KLF17: variants seen among roughly 807,000 people sequenced by gnomAD.
KLF17 encodes KLF transcription factor 17.
Under a neutral mutation model 34.2 loss-of-function variants are expected in KLF17, and 31 were observed. The observed-to-expected ratio is 0.91, with a 90% CI of 0.68 to 1.22. KLF17 has a LOEUF of 1.22. KLF17 is among the 50% of genes most tolerant of loss of function. The pLI is 0.00. For synonymous variants in KLF17, 179 were observed against 186.7 expected, an observed-to-expected ratio of 0.96 and a Z score of 0.34; for missense variants, 478 against 505.2, an observed-to-expected ratio of 0.95 and a Z score of 0.52.
At chr1:44,111,811 T>C in the KLF17 span, among the ~76,000 whole-genome samples, 2 of 152,166 alleles carry the variant, frequency 1.3e-5, no homozygotes, top group Non-Finnish European at 2.9e-5. Flanking sequence ...GAGAATTGCT[T>C]GAACCCTGGA....
At chr1:44,060,335 G>A in the KLF17 span, among the ~76,000 whole-genome samples, 12 of 152,104 alleles carry the variant, frequency 7.9e-5, no homozygotes, top group African/African-American at 2.9e-4. Flanking sequence ...GGGCGTGGTG[G>A]CGAGTACCTG....
intron 1 of KLF17, among the ~76,000 whole-genome samples, chr1:44,125,424 G>A (rs960296682): frequency 1.3e-5 from 2 of 152,174 alleles, no homozygotes; most frequent in African/African-American, 4.8e-5. Context: ...TATAAGCGAT[G>A]AGTCACTTCT....
chr1:44,083,814 T>A, the KLF17 span, among the ~76,000 whole-genome samples: 166 of 92,640 alleles, frequency 1.8e-3, no homozygotes, highest in African/African-American at 2.0e-3. Flanking sequence ...AAAAAAAAAA[T>A]GGCACAAGAA....
upstream of KLF17, chr1:44,117,212 C>T (rs1329387043): frequency 6.6e-6 from 1 of 152,118 alleles, no homozygotes; most frequent in African/African-American, 2.4e-5. Context: ...CTGACCTGGG[C>T]CAGTTCATCC....
chr1:44,103,518 C>T, the KLF17 span: 1 of 1,186,598 alleles, frequency 8.4e-7, no homozygotes, highest in Non-Finnish European at 1.2e-6. Context: ...ACCTGCATAG[C>T]TGCTGGTGGT....
chr1:44,119,069 T>G (rs1465685038), intron 1 of KLF17, 81 bp downstream of exon 1: 6 of 1,010,202 alleles, frequency 5.9e-6, no homozygotes, highest in South Asian at 1.9e-5. Flanking sequence ...GGAGGAGAGG[T>G]GAGGCGGAGG....
At chr1:44,059,385 G>T in the KLF17 span, among the ~76,000 whole-genome samples, 2 of 152,174 alleles carry the variant, frequency 1.3e-5, no homozygotes, top group African/African-American at 4.8e-5. Context: ...AATCCTGTTT[G>T]ATTTCCTCAT....
chr1:44,099,450 CT>C, the KLF17 span, among the ~76,000 whole-genome samples: 1 of 152,080 alleles, frequency 6.6e-6, no homozygotes, highest in East Asian at 1.9e-4. Context: ...CATATACCTA[CT>C]CATTTGTGCA....
intron 3 of KLF17, among the ~76,000 whole-genome samples, 196 bp downstream of exon 3, chr1:44,130,952 G>C (rs199999143): frequency 2.3e-4 from 35 of 152,130 alleles, no homozygotes; most frequent in African/African-American, 8.2e-4. Flanking sequence ...CGTGCCACCA[G>C]GCCCGGGTAA....
the KLF17 span, among the ~76,000 whole-genome samples, chr1:44,099,230 C>G: frequency 1.3e-5 from 2 of 150,786 alleles, no homozygotes; most frequent in African/African-American, 4.9e-5. Context: ...ACCATCAAAC[C>G]CCGTCTCCAC....
the KLF17 span, among the ~76,000 whole-genome samples, chr1:44,066,007 A>C: frequency 6.6e-6 from 1 of 152,212 alleles, no homozygotes; most frequent in Non-Finnish European, 1.5e-5. Flanking sequence ...ATTTACATCC[A>C]TTCAATTGGC....
chr1:44,132,509 C>T (rs1371768982), intron 3 of KLF17, among the ~76,000 whole-genome samples: 2 of 152,156 alleles, frequency 1.3e-5, no homozygotes, highest in South Asian at 2.1e-4. Flanking sequence ...CAGTGCCCAC[C>T]CCAGCCTATT....
intron 2 of KLF17, 138 bp downstream of exon 2, chr1:44,130,334 T>G: frequency 7.0e-7 from 1 of 1,425,996 alleles, no homozygotes; most frequent in Non-Finnish European, 9.5e-7. Flanking sequence ...CCCCCCGACT[T>G]GCCATACAGG....
At position 44,130,742 on chromosome 1, in the gene KLF17, G is replaced by C; in HGVS notation, c.1156G>C (p.Ala386Pro). 1 of 1,614,038 alleles carries C rather than the reference G, an allele frequency of 6.2e-7. No individual in the cohort carries two copies. The highest frequency in any genetic ancestry group is 8.5e-7 in the Non-Finnish European group (1 of 1,179,980). ...NNNGEQDSPP[A>P]AGP ...CAATGGAGAGCAGGACAGTCCTCCT[G>C]CTGCTGGTCCTTAGGTCAGTCTCCT... The change falls in exon 3 of 4, where the codon GCT becomes CCT. Residue 386 changes from alanine to proline, a missense_variant. Transcript: ENST00000372299.
chr1:44,069,469 C>CGAGAGAGAGA, the KLF17 span, among the ~76,000 whole-genome samples: 9 of 127,080 alleles, frequency 7.1e-5, no homozygotes, highest in East Asian at 4.7e-4. This position sits in a 1 kb window ranked among gnomAD's most constrained non-coding sequence, Gnocchi z 4.7. Flanking sequence ...TGTTACATGG[C>CGAGAGAGAGA]GAGAGAGAGA....
chr1:44,089,163 G>T, the KLF17 span, among the ~76,000 whole-genome samples: 1 of 152,128 alleles, frequency 6.6e-6, no homozygotes, highest in Non-Finnish European at 1.5e-5. Context: ...GAAAAATGCA[G>T]CATAACCAAA....
the KLF17 span, among the ~76,000 whole-genome samples, chr1:44,108,127 A>G: frequency 2.6e-5 from 4 of 152,228 alleles, no homozygotes; most frequent in African/African-American, 9.6e-5. Context: ...TCAACTAACC[A>G]GTCACCTGCC....
chr1:44,099,833 GAAAGAA>G, the KLF17 span, among the ~76,000 whole-genome samples: 1 of 11,860 alleles, frequency 8.4e-5, no homozygotes, highest in Non-Finnish European at 1.4e-4. Flanking sequence ...AAAGAAGAAA[GAAAGAA>G]AGAAAGAAAG....
chr1:44,087,757 TATATATATATATACACACACACAC>T, the KLF17 span, among the ~76,000 whole-genome samples: 17 of 53,626 alleles, frequency 3.2e-4, no homozygotes, highest in African/African-American at 1.3e-3. Flanking sequence ...TATATATATA[TATATATATATATACACACACACAC>T]ACACACACAC....
Sources: gnomAD v4.1 joint callset for allele counts (sites outside exome capture counted in the v4.1 genomes callset) on GRCh38, gnomAD v4.1.1 for gene constraint, Gnocchi (gnomAD v3.1) non-coding constraint, MANE v1.5 for transcripts, NCBI Gene and HGNC (gene_info 2026-07-23, HGNC 2026-07-21) for gene names.